KSR2: variants seen among roughly 807,000 people sequenced by gnomAD.
KSR2 encodes the protein kinase suppressor of ras 2.
In KSR2, 25 loss-of-function variants were observed where a neutral mutation model predicts 107.8. The observed-to-expected ratio is 0.23, with a 90% confidence interval of 0.17 to 0.32. The LOEUF (loss-of-function observed/expected upper bound fraction) is 0.32. Ranked by LOEUF, KSR2 falls within the 10% of genes least tolerant of loss-of-function variation. The probability of loss-of-function intolerance (pLI) is 1.00; values close to 1 mark genes in which losing one functional copy is unlikely to be tolerated. For synonymous variants in KSR2, 480 were observed against 507.0 expected (o/e 0.95, Z 0.71); for missense variants, 887 against 1,268.9 (o/e 0.70, Z 4.57).
intron 9 of KSR2, among the ~76,000 whole-genome samples, chr12:117,553,862 C>T (rs708858): frequency 0.29 from 41,039 of 141,012 alleles, 6,598 homozygotes; most frequent in East Asian, 0.4. Context: ...TCTCTCTCTC[C>T]CTCTCTCATG....
rs1399792979 is a variant in KSR2, at chr12:117,605,791, C to T, written c.1172-23432G>A. Among the ~76,000 whole-genome samples, 9 of 152,074 alleles carry T rather than the reference C, an allele frequency of 5.9e-5. No homozygotes were observed. The East Asian group carries it at 1.5e-3, about 26-fold the overall frequency. On this transcript the variant is annotated intron_variant, in intron 5 of 19. Coordinates refer to ENST00000339824, the MANE Select transcript of KSR2 (RefSeq NM_173598.6). ...ATATACACCACGGAATACTATGCAG[C>T]CATAAAAAGGAATGAGATCATGACC...
In KSR2 at chr12:117,656,524, G is replaced by A. The variant is rs893704318; in HGVS notation, c.1171+10950C>T. Among the ~76,000 whole-genome samples the A allele has an allele frequency of 2.0e-5, 3 of 152,230 alleles. No individual in the cohort carries two copies. The East Asian group carries it at 5.8e-4, about 29-fold the overall frequency. ...AGCTACTCAGGAGGCTGAGGCAGGA[G>A]AATCACTTGAACCCAGGAGGTGGAG... On this transcript the variant is annotated intron_variant, in intron 5 of 19. Coordinates refer to ENST00000339824, the MANE Select transcript of KSR2 (RefSeq NM_173598.6).
Position 117,464,278 on chromosome 12 carries a change from C to T in KSR2, c.*2921G>A, listed in dbSNP as rs866436300. On this transcript the variant is annotated 3_prime_UTR_variant, in exon 20 of 20. Coordinates refer to ENST00000339824, the MANE Select transcript of KSR2 (RefSeq NM_173598.6). ...TCTTCACCCTGTGGACTGGTCCCCT[C>T]GGGAAGCCCATGTATATGACGGTTT... The T allele has an allele frequency of 5.9e-5, 9 of 152,200 alleles. 1 individual carries two copies. Among genetic ancestry groups the T allele is most frequent in the South Asian group, 2.1e-4 (1 of 4,826 alleles). 9.4% of individuals were successfully genotyped at this position (152,200 alleles called of 1,614,324 possible).
chr12:117,686,332 C>T (rs1885574330), intron 4 of KSR2, among the ~76,000 whole-genome samples: 1 of 145,706 alleles, frequency 6.9e-6, no homozygotes. Context: ...TTCCAAAGGG[C>T]TGGGATTACA....
intron 1 of KSR2, among the ~76,000 whole-genome samples, chr12:117,872,506 G>A (rs1893683828): frequency 6.6e-6 from 1 of 151,774 alleles, no homozygotes; most frequent in Non-Finnish European, 1.5e-5. Context: ...CCAGGCTGCA[G>A]TGAGCCATGA....
At chr12:117,829,279 C>T (rs1459584841) in intron 3 of KSR2, among the ~76,000 whole-genome samples, 1 of 152,170 alleles carries the variant, frequency 6.6e-6, no homozygotes, top group Non-Finnish European at 1.5e-5. Flanking sequence ...AGACATGTTC[C>T]CCCAACCAAT....
chr12:117,710,126 G>C (rs1394711763), intron 4 of KSR2, among the ~76,000 whole-genome samples: 1 of 152,092 alleles, frequency 6.6e-6, no homozygotes, highest in Non-Finnish European at 1.5e-5. Context: ...TGAATCTGAG[G>C]AGAGAAATGA....
At position 117,879,288 on chromosome 12, in the gene KSR2, G is replaced by A. The variant is rs2137314835; in HGVS notation, c.181-18857C>T. Among the ~76,000 whole-genome samples, 9 of 152,266 alleles carry A rather than the reference G, an allele frequency of 5.9e-5. No homozygotes were observed. In the Middle Eastern group the frequency reaches 0.017, roughly 288 times the overall value. On this transcript the variant is annotated intron_variant, in intron 1 of 19. Coordinates refer to ENST00000339824, the MANE Select transcript of KSR2 (RefSeq NM_173598.6). The stretch of plus-strand genomic sequence containing the variant: ...ATGTTATATAATTTAGCCAGTTAGA[G>A]TAAGAGTTCACCTTTCTAAGTCTAA...
At chr12:117,480,744 A>G (rs973176986) in intron 16 of KSR2, among the ~76,000 whole-genome samples, 5 of 152,260 alleles carry the variant, frequency 3.3e-5, no homozygotes, top group African/African-American at 1.2e-4. Flanking sequence ...TAAGCCCACA[A>G]TCTGAGGGCT....
At chr12:117,729,934 C>T (rs1470786015) in intron 4 of KSR2, among the ~76,000 whole-genome samples, 4 of 152,186 alleles carry the variant, frequency 2.6e-5, no homozygotes, top group Non-Finnish European at 5.9e-5. Flanking sequence ...ACTTCAGCCT[C>T]TGGGTCCAAG....
intron 1 of KSR2, among the ~76,000 whole-genome samples, chr12:117,961,218 G>A (rs1326944475): frequency 6.6e-6 from 1 of 152,134 alleles, no homozygotes; most frequent in Non-Finnish European, 1.5e-5. Flanking sequence ...GCAACTTTGG[G>A]AAATAAGGCT....
intron 1 of KSR2, among the ~76,000 whole-genome samples, chr12:117,909,029 G>T (rs958352938): frequency 6.6e-6 from 1 of 152,122 alleles, no homozygotes; most frequent in Non-Finnish European, 1.5e-5. Context: ...AAGCAAGTTA[G>T]TTCCACCACC....
chr12:117,768,482 C>T (rs1476884861), intron 3 of KSR2, among the ~76,000 whole-genome samples: 4 of 152,328 alleles, frequency 2.6e-5, no homozygotes, highest in South Asian at 2.1e-4. Context: ...TCCCAGAAAC[C>T]CTGGTGCACA....
At chr12:117,644,123 G>C (rs1593085449) in intron 5 of KSR2, among the ~76,000 whole-genome samples, 1 of 152,158 alleles carries the variant, frequency 6.6e-6, no homozygotes, top group Non-Finnish European at 1.5e-5. Context: ...TGGATTCAAG[G>C]GGCTGAGCAG....
At chr12:117,819,110 G>T (rs1296016109) in intron 3 of KSR2, among the ~76,000 whole-genome samples, 1 of 152,034 alleles carries the variant, frequency 6.6e-6, no homozygotes, top group South Asian at 2.1e-4. Flanking sequence ...ATGAGATCAG[G>T]GGCTAGGTCT....
At chr12:117,743,073 C>A (rs1218193942) in intron 4 of KSR2, among the ~76,000 whole-genome samples, 3 of 152,222 alleles carry the variant, frequency 2.0e-5, no homozygotes, top group Admixed American at 1.3e-4. Context: ...CATGCCCTGG[C>A]AAGAGCATCC....
chr12:117,699,070 G>A (rs559741075), intron 4 of KSR2, among the ~76,000 whole-genome samples: 3 of 152,200 alleles, frequency 2.0e-5, no homozygotes, highest in African/African-American at 4.8e-5. Context: ...TTTAGTGTTC[G>A]GCAATAATCT....
At chr12:117,531,746 G>C (rs150634382) in intron 10 of KSR2, 39 bp from the exon 11 acceptor site, 1 of 1,538,234 alleles carries the variant, frequency 6.5e-7, no homozygotes, top group East Asian at 2.4e-5. Flanking sequence ...AGTGTCCCCA[G>C]GGAGACATCG....
chr12:117,938,538 C>A (rs1442601368), intron 1 of KSR2, among the ~76,000 whole-genome samples: 1 of 148,570 alleles, frequency 6.7e-6, no homozygotes, highest in African/African-American at 2.5e-5. Context: ...GCACATGTAC[C>A]CTAAAACTTA....
Sources: gnomAD v4.1 joint callset for allele counts (sites outside exome capture counted in the v4.1 genomes callset) on GRCh38, gnomAD v4.1.1 for gene constraint, MANE v1.5 for transcripts, NCBI Gene and HGNC (gene_info 2026-07-23, HGNC 2026-07-21) for gene names.